TMEM117: variants seen among roughly 807,000 people sequenced by gnomAD.
The protein encoded by TMEM117 is transmembrane protein 117.
In TMEM117, 27 loss-of-function variants were observed where a neutral mutation model predicts 52.4. The ratio of observed to expected loss-of-function variants is 0.51; its 90% CI spans 0.38 to 0.71. The LOEUF is 0.71. TMEM117 is among the 30% of genes least tolerant of loss of function. TMEM117 has a pLI of 0.00. For synonymous variants in TMEM117, 215 were observed against 206.3 expected (o/e 1.04, Z -0.36); for missense variants, 556 against 630.5 (o/e 0.88, Z 1.26).
chr12:44,111,808 G>C (rs1486995271), intron 3 of TMEM117, among the ~76,000 whole-genome samples: 1 of 139,902 alleles, frequency 7.1e-6, no homozygotes, highest in Admixed American at 6.9e-5. Context: ...ACAGTGGGGT[G>C]TTAAAGTCTC....
chr12:44,238,750 A>G (rs1950028613), intron 5 of TMEM117, among the ~76,000 whole-genome samples: 1 of 152,156 alleles, frequency 6.6e-6, no homozygotes, highest in Admixed American at 6.6e-5. Flanking sequence ...TCTTTTACCC[A>G]TCTGTGGAGT....
intron 2 of TMEM117, among the ~76,000 whole-genome samples, chr12:43,876,548 T>G (rs1377116637): frequency 1.3e-5 from 2 of 152,206 alleles, no homozygotes; most frequent in Non-Finnish European, 2.9e-5. Flanking sequence ...CTGAATATGG[T>G]AATATCTCAC....
chr12:43,932,462 G>A (rs576330463), intron 2 of TMEM117, among the ~76,000 whole-genome samples: 2 of 151,204 alleles, frequency 1.3e-5, no homozygotes, highest in African/African-American at 4.9e-5. Flanking sequence ...ACTTGGGCTT[G>A]GATAGTTATT....
intron 4 of TMEM117, among the ~76,000 whole-genome samples, chr12:44,168,518 G>T (rs1382317086): frequency 6.6e-6 from 1 of 152,020 alleles, no homozygotes; most frequent in East Asian, 1.9e-4. Flanking sequence ...ACTCTGTGTG[G>T]TCATAACATA....
intron 4 of TMEM117, among the ~76,000 whole-genome samples, chr12:44,185,937 G>GTTA (rs753406794): frequency 6.6e-6 from 1 of 150,534 alleles, no homozygotes; most frequent in Non-Finnish European, 1.5e-5. Flanking sequence ...TTCTTATAGT[G>GTTA]TTATTATTAG....
intron 5 of TMEM117, among the ~76,000 whole-genome samples, chr12:44,226,499 A>ATGTGTG (rs1161429257): frequency 7.5e-6 from 1 of 132,872 alleles, no homozygotes; most frequent in East Asian, 2.0e-4. Context: ...ATAAATATAT[A>ATGTGTG]TATGTGTGTG....
intron 2 of TMEM117, among the ~76,000 whole-genome samples, chr12:43,893,287 ACAAAT>A (rs976967833): frequency 2.6e-5 from 4 of 152,242 alleles, no homozygotes; most frequent in Non-Finnish European, 2.9e-5. Context: ...AAGCACAGAG[ACAAAT>A]CAAATGCTTT....
intron 6 of TMEM117, among the ~76,000 whole-genome samples, chr12:44,374,047 G>T (rs1200335530): frequency 2.6e-5 from 4 of 152,068 alleles, no homozygotes; most frequent in African/African-American, 9.7e-5. Flanking sequence ...CTCCCAAAGT[G>T]CTGGGATTAC....
chr12:44,380,171 G>A (rs1952000371), intron 7 of TMEM117, among the ~76,000 whole-genome samples: 1 of 152,126 alleles, frequency 6.6e-6, no homozygotes, highest in Admixed American at 6.5e-5. Flanking sequence ...AAAAGCCAAG[G>A]GGTAGAATGC....
At chr12:44,279,276 T>C (rs1950550360) in intron 5 of TMEM117, among the ~76,000 whole-genome samples, 1 of 152,162 alleles carries the variant, frequency 6.6e-6, no homozygotes, top group African/African-American at 2.4e-5. Flanking sequence ...TAATGGAAAA[T>C]TAAAGTACTA....
intron 6 of TMEM117, among the ~76,000 whole-genome samples, chr12:44,357,185 T>C (rs1166011662): frequency 6.6e-6 from 1 of 152,176 alleles, no homozygotes; most frequent in Non-Finnish European, 1.5e-5. Flanking sequence ...TCTTGGATTT[T>C]GAGCTTTCCT....
chr12:44,092,392 T>C (rs1442551885), intron 3 of TMEM117, among the ~76,000 whole-genome samples: 1 of 152,182 alleles, frequency 6.6e-6, no homozygotes, highest in African/African-American at 2.4e-5. Flanking sequence ...CAGGTACTGA[T>C]GGGTACCATC....
At chr12:44,340,982 C>A (rs1032999044) in intron 6 of TMEM117, among the ~76,000 whole-genome samples, 1 of 151,964 alleles carries the variant, frequency 6.6e-6, no homozygotes, top group Non-Finnish European at 1.5e-5. Flanking sequence ...CATTGTCTAT[C>A]ATTCCATTTT....
chr12:44,226,100 A>G (rs1949857228), intron 5 of TMEM117, among the ~76,000 whole-genome samples: 3 of 152,244 alleles, frequency 2.0e-5, no homozygotes, highest in Non-Finnish European at 4.4e-5. Flanking sequence ...TAAAATAAAT[A>G]GCAAAAATTA....
intron 6 of TMEM117, among the ~76,000 whole-genome samples, chr12:44,328,094 T>C (rs1235178641): frequency 6.6e-6 from 1 of 152,206 alleles, no homozygotes; most frequent in Non-Finnish European, 1.5e-5. Context: ...CTCTAGTTGA[T>C]CAAAAACCCT....
intron 5 of TMEM117, among the ~76,000 whole-genome samples, chr12:44,298,887 A>G (rs925693574): frequency 2.7e-5 from 4 of 150,686 alleles, no homozygotes; most frequent in Admixed American, 6.6e-5. Flanking sequence ...CTTTTGTAGA[A>G]GGATAATGGA....
intron 6 of TMEM117, among the ~76,000 whole-genome samples, chr12:44,324,103 G>A (rs1041939605): frequency 6.6e-6 from 1 of 151,996 alleles, no homozygotes; most frequent in African/African-American, 2.4e-5. Flanking sequence ...TTGTTATCTT[G>A]AGGTAGAACC....
intron 6 of TMEM117, among the ~76,000 whole-genome samples, chr12:44,370,382 T>G (rs1320534113): frequency 6.6e-6 from 1 of 152,204 alleles, no homozygotes; most frequent in Non-Finnish European, 1.5e-5. Context: ...AGACAACCAA[T>G]TTTTAATAAT....
the TMEM117 span, chr12:43,802,147 T>A: frequency 5.9e-6 from 3 of 512,510 alleles, no homozygotes; most frequent in Non-Finnish European, 9.9e-6. Flanking sequence ...GATTCTCCGT[T>A]ATCAATCCAA....
Sources: gnomAD v4.1 joint callset for allele counts (sites outside exome capture counted in the v4.1 genomes callset) on GRCh38, gnomAD v4.1.1 for gene constraint, MANE v1.5 for transcripts, NCBI Gene and HGNC (gene_info 2026-07-23, HGNC 2026-07-21) for gene names.